Variants in PKHD1 observed in about 807,000 individuals in gnomAD.
The protein encoded by PKHD1 is PKHD1 ciliary IPT domain containing fibrocystin/polyductin.
Under a neutral mutation model 412.0 loss-of-function variants are expected in PKHD1, and 291 were observed. That is an observed-to-expected ratio of 0.71 (90% CI 0.64 to 0.78). The LOEUF (loss-of-function observed/expected upper bound fraction) is 0.78, where lower values mean the gene tolerates loss of function less well. Ranked by LOEUF, PKHD1 falls within the 30% of genes least tolerant of loss-of-function variation. The probability of loss-of-function intolerance (pLI) is 0.00; values close to 1 mark genes in which losing one functional copy is unlikely to be tolerated. For missense variants in PKHD1, 4,825 were observed against 4,950.7 expected, an observed-to-expected ratio of 0.97 and a Z score of 0.76; for synonymous variants, 1,777 against 1,821.5, an observed-to-expected ratio of 0.98 and a Z score of 0.62.
rs1445856949 is a variant in PKHD1 at position 51,648,098 on chromosome 6, C to A, written c.11331G>T (p.Leu3777=). The change falls in exon 63 of 67, where the codon CTG becomes CTT. Residue 3777 remains leucine (L), a synonymous_variant. Coordinates refer to ENST00000371117, the MANE Select transcript of PKHD1 (RefSeq NM_138694.4). The part of the protein sequence containing the change: ...LDEQNRRVES[L]GPPSEPWTIS... ...TTGTCCATGGCTCTGAAGGAGGTCC[C>A]AGGGACTCTACTCTTCGATTCTAGA... 1 of 1,603,132 alleles carries A rather than the reference C, an allele frequency of 6.2e-7. No individual in the cohort carries two copies. The highest frequency in any genetic ancestry group is 8.5e-7 in the Non-Finnish European group (1 of 1,169,982).
chr6:51,967,654 A>ATG (rs35495373), intron 35 of PKHD1, among the ~76,000 whole-genome samples: 45,178 of 147,040 alleles, frequency 0.31, 7,368 homozygotes, highest in Non-Finnish European at 0.4. Flanking sequence ...GTGTGTGTGT[A>ATG]TGTGTGTGTG....
At chr6:51,627,836 T>C (rs879392989) in intron 65 of PKHD1, among the ~76,000 whole-genome samples, 4 of 152,168 alleles carry the variant, frequency 2.6e-5, no homozygotes, top group Non-Finnish European at 5.9e-5. Flanking sequence ...TCATCTTCTA[T>C]TCATTTATTT....
intron 49 of PKHD1, among the ~76,000 whole-genome samples, chr6:51,852,832 A>G (rs1772552807): frequency 6.6e-6 from 1 of 151,868 alleles, no homozygotes; most frequent in Non-Finnish European, 1.5e-5. Flanking sequence ...TCCTGAATAC[A>G]GCACACTGAT....
rs1175809726 is a variant in PKHD1 at position 51,877,357 on chromosome 6, G to C, written c.7350+5736C>G. On this transcript the variant is annotated intron_variant, in intron 46 of 66. Coordinates refer to ENST00000371117, the MANE Select transcript of PKHD1 (RefSeq NM_138694.4). ...CACCTATTCCAAAATTGACCACATAGTTGGAAGTAAAGCTCTCCTCAGCAA... is the reference window on the plus strand; with the variant it reads ...CACCTATTCCAAAATTGACCACATACTTGGAAGTAAAGCTCTCCTCAGCAA... 6.6e-4 allele frequency among the ~76,000 whole-genome samples: 35 copies of C among 53,248 alleles called. 2 individuals carry two copies. The highest frequency in any genetic ancestry group is 8.6e-4 in the Non-Finnish European group (28 of 32,570). 34.9% of individuals were successfully genotyped at this position (53,248 alleles called of 152,430 possible). A position where few individuals can be genotyped will look rare whatever the true frequency, so the allele number is the denominator to read the frequency against.
At chr6:51,963,970 AGGCATATGGG>A (rs1381514481) in intron 35 of PKHD1, among the ~76,000 whole-genome samples, 1 of 152,042 alleles carries the variant, frequency 6.6e-6, no homozygotes, top group Non-Finnish European at 1.5e-5. Flanking sequence ...AATTCCTCAT[AGGCATATGGG>A]GGCAGCCGTG....
intron 1 of PKHD1, among the ~76,000 whole-genome samples, chr6:52,085,611 C>G (rs1342638671): frequency 2.0e-5 from 3 of 152,224 alleles, no homozygotes; most frequent in African/African-American, 7.2e-5. Context: ...CACCTTCCCC[C>G]TGAACCTCTA....
At chr6:51,624,545 T>C (rs1359685646) in intron 66 of PKHD1, among the ~76,000 whole-genome samples, 1 of 152,180 alleles carries the variant, frequency 6.6e-6, no homozygotes, top group African/African-American at 2.4e-5. Flanking sequence ...TTTTGTATAG[T>C]TGGTGAACTT....
At chr6:51,918,754 C>T (rs1038688058) in intron 37 of PKHD1, among the ~76,000 whole-genome samples, 3 of 152,058 alleles carry the variant, frequency 2.0e-5, no homozygotes, top group Non-Finnish European at 4.4e-5. Flanking sequence ...GTTCCTGATC[C>T]TTGAGGAATC....
chr6:51,837,370 C>T (rs1177075252), intron 50 of PKHD1, among the ~76,000 whole-genome samples: 6 of 152,264 alleles, frequency 3.9e-5, no homozygotes, highest in South Asian at 2.1e-4. Context: ...TAAACCCTTT[C>T]CTCCATCAGA....
At chr6:51,723,357 T>A (rs1399888185) in intron 60 of PKHD1, among the ~76,000 whole-genome samples, 1 of 152,186 alleles carries the variant, frequency 6.6e-6, no homozygotes, top group East Asian at 1.9e-4. Context: ...GAGAAAACCT[T>A]GTTAGTGCTC....
At position 51,900,418 on chromosome 6, in the gene PKHD1, G is replaced by T. The variant is rs1165703438; in HGVS notation, c.6996+3179C>A. Among the ~76,000 whole-genome samples the T allele has an allele frequency of 2.0e-5, 3 of 152,258 alleles. No individual in the cohort carries two copies. The East Asian group carries it at 5.8e-4, about 29-fold the overall frequency. On this transcript the variant is annotated intron_variant, in intron 43 of 66. Transcript: ENST00000371117. ...CAAACCTGAGAAAAACAAGCAATGG[G>T]GAAAGGATTCCCTATTTAATAAATG... is the stretch of plus-strand genomic sequence containing the variant.
intron 37 of PKHD1, among the ~76,000 whole-genome samples, chr6:51,918,369 C>A (rs1361400250): frequency 6.6e-6 from 1 of 152,024 alleles, no homozygotes; most frequent in Non-Finnish European, 1.5e-5. Flanking sequence ...CACTAACAGG[C>A]CCTGGTGTGT....
rs560526471 is a variant in PKHD1, at chr6:51,927,003, C to T, written c.6121+7107G>A. On this transcript the variant is annotated intron_variant, in intron 37 of 66. Coordinates refer to ENST00000371117, the MANE Select transcript of PKHD1 (RefSeq NM_138694.4). ...TGATGTTAACTCAACTGTGTAATTA[C>T]GATCTGCCACAACATGCCAGCTGAC... is the stretch of plus-strand genomic sequence containing the variant. Among the ~76,000 whole-genome samples the T allele has an allele frequency of 5.9e-5, 9 of 152,224 alleles. No homozygotes were observed. The South Asian group carries it at 1.0e-3, about 18-fold the overall frequency.
chr6:51,955,021 G>A lies in PKHD1; in HGVS notation c.5908+4849C>T, dbSNP rs373256200. On this transcript the variant is annotated intron_variant, in intron 36 of 66. Transcript: ENST00000371117. ...TGATTATGGCTCATCATAATTACTT[G>A]GAATAAAAATAATAAATTTTAATTC... Among the ~76,000 whole-genome samples, 18 of 151,800 alleles carry A rather than the reference G, an allele frequency of 1.2e-4. No individual in the cohort carries two copies. In the East Asian group the frequency reaches 2.3e-3, roughly 20 times the overall value.
chr6:52,086,496 C>T (rs1812815474), intron 1 of PKHD1, among the ~76,000 whole-genome samples: 1 of 152,008 alleles, frequency 6.6e-6, no homozygotes, highest in South Asian at 2.1e-4. Context: ...AATATACTCC[C>T]CCCCTCAAAA....
At chr6:51,969,900 T>C (rs1218544405) in intron 35 of PKHD1, among the ~76,000 whole-genome samples, 1 of 152,326 alleles carries the variant, frequency 6.6e-6, no homozygotes, top group African/African-American at 2.4e-5. Context: ...GATAATCACC[T>C]GAATGAAGGT....
chr6:51,692,716 T>TC (rs1778323647), intron 60 of PKHD1, among the ~76,000 whole-genome samples: 1 of 152,162 alleles, frequency 6.6e-6, no homozygotes, highest in South Asian at 2.1e-4. Context: ...ATCTTTTTTT[T>TC]CCACTTACTG....
intron 49 of PKHD1, among the ~76,000 whole-genome samples, chr6:51,853,157 T>C (rs1287440625): frequency 1.3e-5 from 2 of 152,214 alleles, no homozygotes; most frequent in Non-Finnish European, 2.9e-5. Flanking sequence ...ATTTTTCTTT[T>C]GCTTATGAAA....
intron 36 of PKHD1, among the ~76,000 whole-genome samples, chr6:51,956,415 C>T (rs995400915): frequency 2.6e-5 from 4 of 151,862 alleles, no homozygotes; most frequent in African/African-American, 9.7e-5. Flanking sequence ...AAAATATACA[C>T]TTCTTAAATT....
Sources: allele counts gnomAD v4.1 joint callset (sites outside exome capture counted in the v4.1 genomes callset), GRCh38; gene constraint gnomAD v4.1.1; transcripts MANE v1.5; gene names NCBI Gene and HGNC (gene_info 2026-07-23, HGNC 2026-07-21).